CHRM3: variants seen among roughly 807,000 people sequenced by gnomAD.
CHRM3 encodes the protein muscarinic acetylcholine receptor M3.
A neutral mutation model predicts 41.8 loss-of-function variants in CHRM3; 11 were observed. The ratio of observed to expected loss-of-function variants is 0.26; its 90% CI spans 0.17 to 0.44. The LOEUF (loss-of-function observed/expected upper bound fraction) is 0.44, where lower values mean the gene tolerates loss of function less well. Among genes scored for constraint, CHRM3 ranks in the 20% least tolerant of loss-of-function variants. The probability of loss-of-function intolerance (pLI) is 1.00; values close to 1 mark genes in which losing one functional copy is unlikely to be tolerated. For missense variants in CHRM3, 571 were observed against 745.4 expected, an observed-to-expected ratio of 0.77 and a Z score of 2.72; for synonymous variants, 297 against 301.4, an observed-to-expected ratio of 0.99 and a Z score of 0.15.
At chr1:239,634,488 A>C in intron 4 of CHRM3, among the ~76,000 whole-genome samples, 1 of 152,072 alleles carries the variant, frequency 6.6e-6, no homozygotes, top group East Asian at 1.9e-4. Context: ...AAATCAGTTT[A>C]TATTGGAATT....
intron 6 of CHRM3, among the ~76,000 whole-genome samples, chr1:239,854,544 G>A (rs1263845598): frequency 6.6e-6 from 1 of 152,080 alleles, no homozygotes; most frequent in East Asian, 1.9e-4. Context: ...CTAATCACTA[G>A]CATTGGTATG....
intron 3 of CHRM3, among the ~76,000 whole-genome samples, chr1:239,571,673 G>A (rs976067668): frequency 6.6e-6 from 1 of 152,088 alleles, no homozygotes; most frequent in African/African-American, 2.4e-5. Context: ...TATTCTCACA[G>A]TGATCTCCGT....
chr1:239,518,909 A>C (rs2148249614), intron 2 of CHRM3, among the ~76,000 whole-genome samples: 1 of 152,334 alleles, frequency 6.6e-6, no homozygotes, highest in Non-Finnish European at 1.5e-5. Flanking sequence ...TTTACCTTCG[A>C]AAAGTTTTAT....
intron 5 of CHRM3, among the ~76,000 whole-genome samples, chr1:239,776,706 C>T (rs1413597998): frequency 6.6e-6 from 1 of 152,146 alleles, no homozygotes; most frequent in Non-Finnish European, 1.5e-5. Context: ...AAAGACATAC[C>T]TGAGACTGGG....
intron 1 of CHRM3, among the ~76,000 whole-genome samples, chr1:239,444,658 G>T (rs1272175271): frequency 1.3e-5 from 2 of 152,028 alleles, no homozygotes; most frequent in Non-Finnish European, 2.9e-5. Context: ...ATTATATTAG[G>T]TCAGTGCAAA....
rs144034764 is a variant in CHRM3 at position 239,653,095 on chromosome 1, G to A, written c.-250+20809G>A. Reference sequence around the variant, plus strand: ...GTTTTATTGAGGAACTATTACAATAGGGAGAAAGAGACCTCAGTATAGAAC... The same window carrying A: ...GTTTTATTGAGGAACTATTACAATAAGGAGAAAGAGACCTCAGTATAGAAC... On this transcript the variant is annotated intron_variant, in intron 4 of 6. Coordinates refer to ENST00000676153, the MANE Select transcript of CHRM3 (RefSeq NM_001375978.1). 2.0e-5 allele frequency among the ~76,000 whole-genome samples: 3 copies of A among 152,266 alleles called. No homozygotes were observed. In the East Asian group the frequency reaches 5.8e-4, roughly 29 times the overall value.
At chr1:239,607,923 A>G (rs1666534519) in intron 3 of CHRM3, among the ~76,000 whole-genome samples, 1 of 152,082 alleles carries the variant, frequency 6.6e-6, no homozygotes. Flanking sequence ...ATAGGTATGC[A>G]TTATTTGTTT....
At chr1:239,594,496 G>A (rs957106082) in intron 3 of CHRM3, among the ~76,000 whole-genome samples, 1 of 152,144 alleles carries the variant, frequency 6.6e-6, no homozygotes, top group Non-Finnish European at 1.5e-5. Flanking sequence ...CTGTGAATTT[G>A]TTGTCACAGA....
rs146814745 is a variant in CHRM3 at position 239,547,904 on chromosome 1, C to T, written c.-313+2155C>T. 2.6e-5 allele frequency among the ~76,000 whole-genome samples: 4 copies of T among 151,818 alleles called. No homozygotes were observed. In the East Asian group the frequency reaches 7.7e-4, roughly 29 times the overall value. On this transcript the variant is annotated intron_variant, in intron 3 of 6. Transcript: ENST00000676153. ...TGACAAAAAAAAGTGGTTTATTAGG[C>T]CGATCAAGGAATATCAAATGAATGT...
At chr1:239,790,315 G>A (rs754957842) in intron 5 of CHRM3, among the ~76,000 whole-genome samples, 51 of 152,142 alleles carry the variant, frequency 3.4e-4, no homozygotes, top group Non-Finnish European at 2.6e-4. Context: ...TGGCTGTGTC[G>A]CCACCAAATT....
intron 6 of CHRM3, among the ~76,000 whole-genome samples, chr1:239,834,211 A>C (rs1673118581): frequency 6.6e-6 from 1 of 150,634 alleles, no homozygotes; most frequent in Non-Finnish European, 1.5e-5. Context: ...AAATTTGCAC[A>C]CTCAACAATT....
intron 4 of CHRM3, among the ~76,000 whole-genome samples, chr1:239,671,141 T>G (rs1674326645): frequency 6.6e-6 from 1 of 152,200 alleles, no homozygotes; most frequent in Admixed American, 6.5e-5. Flanking sequence ...TGCATTTTCC[T>G]AATCACTAAT....
At chr1:239,699,003 A>C (rs1294119068) in intron 5 of CHRM3, among the ~76,000 whole-genome samples, 1 of 152,202 alleles carries the variant, frequency 6.6e-6, no homozygotes, top group Non-Finnish European at 1.5e-5. Flanking sequence ...AAAGAGTTTT[A>C]AAAAGAAGAA....
At chr1:239,658,726 C>CAATAAA (rs1672933289) in intron 4 of CHRM3, among the ~76,000 whole-genome samples, 3 of 151,614 alleles carry the variant, frequency 2.0e-5, no homozygotes, top group African/African-American at 7.3e-5. Context: ...ATAGCTTCTT[C>CAATAAA]AAGATAATTT....
At chr1:239,389,940 C>T (rs535291135) in intron 1 of CHRM3, among the ~76,000 whole-genome samples, 1 of 152,188 alleles carries the variant, frequency 6.6e-6, no homozygotes, top group African/African-American at 2.4e-5. Context: ...ATGAATGAAC[C>T]GTGAATCATA....
intron 5 of CHRM3, chr1:239,719,019 A>G (rs1232138849): frequency 3.3e-5 from 5 of 152,008 alleles, no homozygotes; most frequent in African/African-American, 1.2e-4. Context: ...GCTAGACTCC[A>G]AAAAATAAGA....
At chr1:239,776,333 G>A (rs951523996) in intron 5 of CHRM3, among the ~76,000 whole-genome samples, 1 of 152,154 alleles carries the variant, frequency 6.6e-6, no homozygotes, top group African/African-American at 2.4e-5. Context: ...GTTAATGATT[G>A]CAAAATCCTT....
chr1:239,515,310 G>A (rs960927930), intron 2 of CHRM3, among the ~76,000 whole-genome samples: 14 of 151,308 alleles, frequency 9.3e-5, no homozygotes, highest in African/African-American at 1.5e-4. Flanking sequence ...AAAGCATTAC[G>A]TAAATTTTAA....
chr1:239,463,998 C>G (rs751503536), intron 1 of CHRM3, among the ~76,000 whole-genome samples: 2 of 152,086 alleles, frequency 1.3e-5, no homozygotes, highest in African/African-American at 2.4e-5. Context: ...AGTTCTCGGC[C>G]AGGCATGGTG....
Sources: allele counts gnomAD v4.1 joint callset (sites outside exome capture counted in the v4.1 genomes callset), GRCh38; gene constraint gnomAD v4.1.1; transcripts MANE v1.5; gene names NCBI Gene and HGNC (gene_info 2026-07-23, HGNC 2026-07-21).